Variants in ETFA observed in about 807,000 individuals in gnomAD.
ETFA encodes electron transfer flavoprotein subunit alpha, mitochondrial.
Under a neutral mutation model 46.2 loss-of-function variants are expected in ETFA, and 22 were observed. The observed-to-expected ratio is 0.48, with a 90% CI of 0.34 to 0.68. ETFA has a LOEUF of 0.68. Ranked by LOEUF, ETFA falls within the 30% of genes least tolerant of loss-of-function variation. The pLI, the probability that ETFA is intolerant of heterozygous loss-of-function variation, is 0.01. For missense variants in ETFA, 345 were observed against 401.1 expected, an observed-to-expected ratio of 0.86 and a Z score of 1.19; for synonymous variants, 131 against 139.9, an observed-to-expected ratio of 0.94 and a Z score of 0.45.
chr15:76,309,385 A>T (rs1322151195), intron 1 of ETFA, among the ~76,000 whole-genome samples: 2 of 152,212 alleles, frequency 1.3e-5, no homozygotes, highest in Non-Finnish European at 2.9e-5. Flanking sequence ...CGGGAGGCGG[A>T]GCTTGCAGTG....
chr15:76,217,869 G>A (rs541357432), intron 11 of ETFA, among the ~76,000 whole-genome samples: 3 of 152,310 alleles, frequency 2.0e-5, no homozygotes, highest in South Asian at 2.1e-4. Flanking sequence ...TAATGTGTTC[G>A]TACAAAATTT....
chr15:76,262,904 G>A (rs1482771427), intron 9 of ETFA, among the ~76,000 whole-genome samples: 2 of 152,130 alleles, frequency 1.3e-5, no homozygotes, highest in Non-Finnish European at 2.9e-5. Context: ...AAGACCAGAA[G>A]ACAATGGAAC....
chr15:76,250,695 A>G (rs1211913315), intron 9 of ETFA, among the ~76,000 whole-genome samples: 1 of 150,892 alleles, frequency 6.6e-6, no homozygotes, highest in Non-Finnish European at 1.5e-5. Flanking sequence ...ACCACACCCA[A>G]CTAAATTTTT....
chr15:76,250,077 A>T, intron 9 of ETFA, among the ~76,000 whole-genome samples: 1 of 152,346 alleles, frequency 6.6e-6, no homozygotes, highest in Admixed American at 6.5e-5. Flanking sequence ...AAGAAATTAT[A>T]ACTACTTAAA....
chr15:76,271,816 G>C (rs2039534777), intron 9 of ETFA, among the ~76,000 whole-genome samples: 1 of 151,876 alleles, frequency 6.6e-6, no homozygotes, highest in Non-Finnish European at 1.5e-5. Flanking sequence ...TTGAGATATA[G>C]TTTCCAAAAA....
intron 1 of ETFA, among the ~76,000 whole-genome samples, chr15:76,304,913 G>A (rs2039924212): frequency 6.6e-6 from 1 of 151,696 alleles, no homozygotes. Flanking sequence ...CGTGGTGGCG[G>A]GCACCTGTAG....
intron 9 of ETFA, among the ~76,000 whole-genome samples, chr15:76,269,673 C>A (rs1310617709): frequency 6.6e-6 from 1 of 152,092 alleles, no homozygotes; most frequent in African/African-American, 2.4e-5. Context: ...GGTCTGATCA[C>A]CCCAACAAAA....
At chr15:76,280,645 C>T (rs78540560) in intron 8 of ETFA, among the ~76,000 whole-genome samples, 3,213 of 152,300 alleles carry the variant, frequency 0.021, 106 homozygotes, top group African/African-American at 0.074. Flanking sequence ...AATGGTTCCC[C>T]ATTTCATTCA....
chr15:76,216,778 G>A (rs1181860839), intron 11 of ETFA, among the ~76,000 whole-genome samples, 181 bp from the exon 12 acceptor site: 2 of 150,380 alleles, frequency 1.3e-5, no homozygotes, highest in Non-Finnish European at 1.5e-5. Context: ...CACCCAGGGC[G>A]ACTACCCAGG....
At chr15:76,242,362 C>A (rs545632831) in intron 9 of ETFA, among the ~76,000 whole-genome samples, 1 of 152,310 alleles carries the variant, frequency 6.6e-6, no homozygotes, top group Admixed American at 6.5e-5. Flanking sequence ...ACCAAACTGC[C>A]TCCTTTCCCA....
intron 1 of ETFA, among the ~76,000 whole-genome samples, chr15:76,301,313 C>T (rs3915460): frequency 0.28 from 43,138 of 152,144 alleles, 6,578 homozygotes; most frequent in East Asian, 0.57. Flanking sequence ...CCCTTTGATA[C>T]TGAGTACAGG....
intron 4 of ETFA, among the ~76,000 whole-genome samples, chr15:76,290,401 G>A (rs146840833): frequency 0.017 from 2,402 of 143,642 alleles, 65 homozygotes; most frequent in African/African-American, 0.057. Flanking sequence ...CTGGAGTGCA[G>A]CAGTGTAATC....
At chr15:76,292,760 C>T (rs2039780149) in intron 2 of ETFA, 60 bp from the exon 3 acceptor site, 1 of 1,122,576 alleles carries the variant, frequency 8.9e-7, no homozygotes, top group African/African-American at 1.5e-5. Context: ...AATAAAGCCA[C>T]CACTATAAAT....
chr15:76,306,267 CTTTT>C (rs35290919), intron 1 of ETFA, among the ~76,000 whole-genome samples: 4 of 109,486 alleles, frequency 3.7e-5, no homozygotes, highest in African/African-American at 6.8e-5. Flanking sequence ...TTTTTTGCTT[CTTTT>C]TTTTTTTTTT....
intron 1 of ETFA, among the ~76,000 whole-genome samples, chr15:76,308,462 G>A (rs2039958448): frequency 6.6e-6 from 1 of 152,060 alleles, no homozygotes. Flanking sequence ...ATGATGCACG[G>A]GGAACACAAT....
chr15:76,254,736 G>A lies in ETFA; in HGVS notation c.816+19676C>T, dbSNP rs141059831. ...GATGGCTAATAGAATGTATGCATCT[G>A]TATTTTTATGTTTCCTAAAAGTTTT... On this transcript the variant is annotated intron_variant, in intron 9 of 11. Coordinates refer to ENST00000557943, the MANE Select transcript of ETFA (RefSeq NM_000126.4). 2.4e-3 allele frequency among the ~76,000 whole-genome samples: 370 copies of A among 152,242 alleles called. 2 individuals are homozygous for A. Among genetic ancestry groups the A allele is most frequent in the African/African-American group, 8.4e-3 (351 of 41,548 alleles).
rs2039283462 is a variant in ETFA, at chr15:76,250,146, A to G, written c.817-18748T>C. Reference sequence around the variant, plus strand: ...TGATAAATTCATATAATAGAATACCATACATAAATGAAATACAAATGAAAA... The same window carrying G: ...TGATAAATTCATATAATAGAATACCGTACATAAATGAAATACAAATGAAAA... On this transcript the variant is annotated intron_variant, in intron 9 of 11. Coordinates refer to ENST00000557943, the MANE Select transcript of ETFA (RefSeq NM_000126.4). 2.6e-5 allele frequency among the ~76,000 whole-genome samples: 4 copies of G among 152,240 alleles called. No individual in the cohort carries two copies. The South Asian group carries it at 8.3e-4, about 31-fold the overall frequency.
At chr15:76,259,820 AG>A (rs1466584305) in intron 9 of ETFA, 4 of 1,589,392 alleles carry the variant, frequency 2.5e-6, no homozygotes, top group Non-Finnish European at 2.6e-6. Context: ...GAACCGGATC[AG>A]GGTAAAGGGG....
intron 4 of ETFA, 77 bp from the exon 5 acceptor site, chr15:76,288,022 C>G (rs1205216888): frequency 1.1e-6 from 1 of 906,422 alleles, no homozygotes; most frequent in Non-Finnish European, 1.8e-6. Context: ...ATGACATATT[C>G]TAAATGCATA....
Sources: gnomAD v4.1 joint callset for allele counts (sites outside exome capture counted in the v4.1 genomes callset) on GRCh38, gnomAD v4.1.1 for gene constraint, MANE v1.5 for transcripts, NCBI Gene and HGNC (gene_info 2026-07-23, HGNC 2026-07-21) for gene names.